The following TRPC7 variants were observed in gnomAD, a reference collection of about 807,000 sequenced individuals.
TRPC7 encodes short transient receptor potential channel 7.
In TRPC7, 42 loss-of-function variants were observed where a neutral mutation model predicts 90.1. The ratio of observed to expected loss-of-function variants is 0.47; its 90% confidence interval spans 0.36 to 0.60. The LOEUF is 0.60. Among genes scored for constraint, TRPC7 ranks in the 20% least tolerant of loss-of-function variants. TRPC7 has a pLI of 0.00. For missense variants in TRPC7, 955 were observed against 1,112.3 expected (o/e 0.86, Z 2.01); for synonymous variants, 451 against 436.3 (o/e 1.03, Z -0.42).
At chr5:136,290,214 A>C (rs892430836) in intron 3 of TRPC7, among the ~76,000 whole-genome samples, 3 of 152,218 alleles carry the variant, frequency 2.0e-5, no homozygotes, top group African/African-American at 7.2e-5. Flanking sequence ...GAAAAACTGG[A>C]AACTCTAAAA....
At chr5:136,233,280 T>A (rs1056398703) in intron 7 of TRPC7, among the ~76,000 whole-genome samples, 1 of 152,324 alleles carries the variant, frequency 6.6e-6, no homozygotes, top group African/African-American at 2.4e-5. Context: ...GTTGGGTGTT[T>A]ATAAGCAACG....
At chr5:136,259,559 G>T (rs530051654) in intron 5 of TRPC7, among the ~76,000 whole-genome samples, 1 of 152,174 alleles carries the variant, frequency 6.6e-6, no homozygotes. Flanking sequence ...GCTTCTGACC[G>T]CTTTCTGGGA....
At chr5:136,350,776 G>A (rs889610418) in intron 2 of TRPC7, among the ~76,000 whole-genome samples, 1 of 152,138 alleles carries the variant, frequency 6.6e-6, no homozygotes, top group African/African-American at 2.4e-5. Flanking sequence ...TTATTGAGTG[G>A]CAGTTCCATC....
intron 2 of TRPC7, 134 bp downstream of exon 2, chr5:136,356,474 C>G (rs557239846): frequency 3.3e-6 from 3 of 910,344 alleles, no homozygotes; most frequent in Non-Finnish European, 4.7e-6. Flanking sequence ...TGTTCCCCTC[C>G]TCCCCTGGGC....
intron 8 of TRPC7, 190 bp from the exon 9 acceptor site, chr5:136,226,445 T>G: frequency 1.7e-6 from 1 of 592,940 alleles, no homozygotes. Context: ...AATGGTCACT[T>G]TCTGCCTGTC....
chr5:136,215,473 AAGG>A (rs1339958675), intron 11 of TRPC7, among the ~76,000 whole-genome samples: 4 of 152,068 alleles, frequency 2.6e-5, no homozygotes, highest in African/African-American at 7.2e-5. Context: ...CCCTTAACAG[AAGG>A]AGATTATTCT....
At chr5:136,223,801 C>T (rs567444473) in intron 10 of TRPC7, among the ~76,000 whole-genome samples, 1 of 152,212 alleles carries the variant, frequency 6.6e-6, no homozygotes, top group South Asian at 2.1e-4. Context: ...TTTTCTGTGA[C>T]ACAGATAATC....
At chr5:136,331,641 T>C (rs1255357964) in intron 2 of TRPC7, among the ~76,000 whole-genome samples, 1 of 152,220 alleles carries the variant, frequency 6.6e-6, no homozygotes, top group African/African-American at 2.4e-5. Context: ...TTGAGAGGTT[T>C]CCAGAAATCC....
At chr5:136,329,475 C>T (rs1479937295) in intron 2 of TRPC7, among the ~76,000 whole-genome samples, 4 of 151,968 alleles carry the variant, frequency 2.6e-5, no homozygotes, top group Non-Finnish European at 5.9e-5. Flanking sequence ...TCGGATATCA[C>T]GGGGTTTCCA....
chr5:136,297,122 C>T (rs751793381), intron 3 of TRPC7, among the ~76,000 whole-genome samples: 3 of 152,174 alleles, frequency 2.0e-5, no homozygotes, highest in Admixed American at 6.5e-5. Flanking sequence ...CCTTTCATGG[C>T]CTGGCTCAGA....
At position 136,359,120 on chromosome 5, in the gene TRPC7, G is replaced by A. The variant is rs191551526; in HGVS notation, c.3-1735C>T. Among the ~76,000 whole-genome samples the A allele has an allele frequency of 3.9e-5, 6 of 152,288 alleles. No individual in the cohort carries two copies. In the East Asian group the frequency reaches 1.2e-3, roughly 29 times the overall value. ...AAGTTATGCAATTAGCCTTGTGAAT[G>A]TTTAAATTGGGGACTCCATTTAGTT... On this transcript the variant is annotated intron_variant, in intron 1 of 11. Coordinates refer to ENST00000513104, the MANE Select transcript of TRPC7 (RefSeq NM_020389.3).
chr5:136,256,129 G>A (rs1367860474), intron 5 of TRPC7, among the ~76,000 whole-genome samples: 1 of 152,116 alleles, frequency 6.6e-6, no homozygotes, highest in Non-Finnish European at 1.5e-5. Flanking sequence ...ACACTCCCTA[G>A]AGGCTAACAC....
intron 3 of TRPC7, among the ~76,000 whole-genome samples, chr5:136,280,665 C>T (rs1372539224): frequency 1.3e-5 from 2 of 152,066 alleles, no homozygotes; most frequent in Non-Finnish European, 2.9e-5. Flanking sequence ...AAATATGAGT[C>T]CAAAATAAGG....
chr5:136,330,380 GT>G (rs1161606672), intron 2 of TRPC7, among the ~76,000 whole-genome samples: 7 of 152,126 alleles, frequency 4.6e-5, no homozygotes, highest in Non-Finnish European at 1.0e-4. Flanking sequence ...CATCATTTTT[GT>G]CTTATGGACA....
At chr5:136,278,965 T>C (rs1209038605) in intron 3 of TRPC7, among the ~76,000 whole-genome samples, 2 of 152,132 alleles carry the variant, frequency 1.3e-5, no homozygotes, top group African/African-American at 4.8e-5. Flanking sequence ...TTCTTGGTTA[T>C]TTCTACAGCT....
In TRPC7 at chr5:136,289,638, C is replaced by T. The variant is rs535056555; in HGVS notation, c.964-14801G>A. Reference sequence around the variant, plus strand: ...CCCAGGCTTGAGCAGGTAAACAAAGCGGCCGGGAAGCTCGAACTGGGTGGA... The same window carrying T: ...CCCAGGCTTGAGCAGGTAAACAAAGTGGCCGGGAAGCTCGAACTGGGTGGA... On this transcript the variant is annotated intron_variant, in intron 3 of 11. Coordinates refer to ENST00000513104, the MANE Select transcript of TRPC7 (RefSeq NM_020389.3). 1.6e-4 allele frequency among the ~76,000 whole-genome samples: 25 copies of T among 152,342 alleles called. No homozygotes were observed. In the East Asian group the frequency reaches 2.5e-3, roughly 15 times the overall value.
intron 10 of TRPC7, chr5:136,221,999 T>G (rs1755475740): frequency 6.6e-6 from 1 of 152,162 alleles, no homozygotes. Flanking sequence ...TTGAAACAGA[T>G]CACAGGGAGC....
chr5:136,326,191 G>T (rs1759338415), intron 2 of TRPC7, among the ~76,000 whole-genome samples: 1 of 152,308 alleles, frequency 6.6e-6, no homozygotes, highest in East Asian at 1.9e-4. Flanking sequence ...ATAAATTGCT[G>T]CTTTCACTGC....
intron 3 of TRPC7, among the ~76,000 whole-genome samples, chr5:136,281,184 C>A (rs754755456): frequency 1.3e-5 from 2 of 152,108 alleles, no homozygotes; most frequent in Non-Finnish European, 2.9e-5. Flanking sequence ...ATTCATCAGC[C>A]AAGTCTCTGT....
Sources: allele counts gnomAD v4.1 joint callset (sites outside exome capture counted in the v4.1 genomes callset), GRCh38; gene constraint gnomAD v4.1.1; transcripts MANE v1.5; gene names NCBI Gene and HGNC (gene_info 2026-07-23, HGNC 2026-07-21).